Variants in FGF12 observed in about 807,000 individuals in gnomAD.
FGF12 encodes fibroblast growth factor 12, also known as fibroblast growth factor 12B.
Under a neutral mutation model 23.6 loss-of-function variants are expected in FGF12, and 14 were observed. The ratio of observed to expected loss-of-function variants is 0.59; its 90% CI spans 0.39 to 0.93. The LOEUF is 0.93. Ranked by LOEUF, FGF12 falls within the 40% of genes least tolerant of loss-of-function variation. FGF12 has a pLI of 0.00. For missense variants in FGF12, 175 were observed against 217.8 expected (o/e 0.80, Z 1.24); for synonymous variants, 62 against 77.3 (o/e 0.80, Z 1.04).
At chr3:192,169,056 A>G (rs1483232902) in intron 5 of FGF12, among the ~76,000 whole-genome samples, 1 of 151,922 alleles carries the variant, frequency 6.6e-6, no homozygotes, top group Non-Finnish European at 1.5e-5. Flanking sequence ...AAGAATGAAA[A>G]TAGGCCAGGC....
rs11716796 is a variant in FGF12 at position 192,170,381 on chromosome 3, G to A, written c.427+77C>T. The A allele has an allele frequency of 0.049, 61,025 of 1,243,802 alleles. 1,839 individuals are homozygous for A. The highest frequency in any genetic ancestry group is 0.064 in the Admixed American group (3,484 of 54,284). 77.0% of individuals were successfully genotyped at this position (1,243,802 alleles called of 1,614,324 possible). A position where few individuals can be genotyped will look rare whatever the true frequency, so the allele number is the denominator to read the frequency against. On this transcript the variant is annotated intron_variant, in intron 5 of 5. Transcript: ENST00000445105. ...TGTTGCATTCCAGGCAAACTCTCTGGACCAAAAGGGCAAGAAGCAGAATTG... is the reference window on the plus strand; with the variant it reads ...TGTTGCATTCCAGGCAAACTCTCTGAACCAAAAGGGCAAGAAGCAGAATTG...
chr3:192,492,800 C>T (rs1313348822), intron 2 of FGF12, among the ~76,000 whole-genome samples: 1 of 152,050 alleles, frequency 6.6e-6, no homozygotes, highest in Non-Finnish European at 1.5e-5. Flanking sequence ...TCACATGTCA[C>T]TAGGTGTGAG....
chr3:192,434,234 G>T (rs1477026855), intron 2 of FGF12, among the ~76,000 whole-genome samples: 1 of 152,190 alleles, frequency 6.6e-6, no homozygotes, highest in Non-Finnish European at 1.5e-5. Flanking sequence ...CTGTGCAAGT[G>T]AGGAAAGTGA....
chr3:192,579,502 G>T (rs1713045491), intron 2 of FGF12, among the ~76,000 whole-genome samples: 1 of 152,312 alleles, frequency 6.6e-6, no homozygotes, highest in Admixed American at 6.5e-5. Context: ...TGGAGGGTAG[G>T]TAAGCTCAGG....
At chr3:192,701,903 C>T (rs1299618315) in intron 2 of FGF12, among the ~76,000 whole-genome samples, 9 of 152,064 alleles carry the variant, frequency 5.9e-5, no homozygotes, top group Non-Finnish European at 1.5e-5. Flanking sequence ...TTAGCAAATT[C>T]CCAGTATATA....
chr3:192,632,485 A>G (rs1577089239), intron 2 of FGF12, among the ~76,000 whole-genome samples: 1 of 152,360 alleles, frequency 6.6e-6, no homozygotes, highest in East Asian at 1.9e-4. Context: ...TAAAATGACA[A>G]CTAAATATTG....
At chr3:192,577,273 T>C (rs906253158) in intron 2 of FGF12, among the ~76,000 whole-genome samples, 1 of 152,176 alleles carries the variant, frequency 6.6e-6, no homozygotes, top group African/African-American at 2.4e-5. Flanking sequence ...ATAAACGATT[T>C]TGTGTTTGTT....
chr3:192,566,082 G>A (rs556747598), intron 2 of FGF12, among the ~76,000 whole-genome samples: 7 of 152,256 alleles, frequency 4.6e-5, no homozygotes, highest in East Asian at 1.9e-4. Flanking sequence ...ACGAAGTTCC[G>A]TCTCAAAAAA....
chr3:192,651,003 GATA>G (rs1716196220), intron 2 of FGF12, among the ~76,000 whole-genome samples: 2 of 152,180 alleles, frequency 1.3e-5, no homozygotes, highest in African/African-American at 2.4e-5. Context: ...TTGCTAAGAA[GATA>G]TTGATTATCT....
At chr3:192,609,085 ATTC>A (rs1476863090) in intron 2 of FGF12, among the ~76,000 whole-genome samples, 1 of 152,052 alleles carries the variant, frequency 6.6e-6, no homozygotes, top group African/African-American at 2.4e-5. Flanking sequence ...CTTCCTCTAG[ATTC>A]TTCTTAATGA....
intron 3 of FGF12, among the ~76,000 whole-genome samples, chr3:192,335,867 T>C (rs905556419): frequency 2.6e-5 from 4 of 152,090 alleles, no homozygotes; most frequent in African/African-American, 9.7e-5. Flanking sequence ...AATAACAAAA[T>C]ACTATCTTTA....
chr3:192,279,450 C>T (rs1436155368), intron 4 of FGF12, among the ~76,000 whole-genome samples: 2 of 152,022 alleles, frequency 1.3e-5, no homozygotes, highest in East Asian at 1.9e-4. Flanking sequence ...ATTCTAATAA[C>T]AACCCTATGA....
intron 2 of FGF12, among the ~76,000 whole-genome samples, chr3:192,421,967 G>A (rs1721543602): frequency 6.6e-6 from 1 of 152,076 alleles, no homozygotes; most frequent in African/African-American, 2.4e-5. Context: ...CTATTAACTG[G>A]GGAGATGGCC....
At chr3:192,721,067 A>T (rs1719024363) in intron 2 of FGF12, among the ~76,000 whole-genome samples, 1 of 152,194 alleles carries the variant, frequency 6.6e-6, no homozygotes, top group Non-Finnish European at 1.5e-5. Context: ...TAAGCACACA[A>T]GAAATCCCTT....
At position 192,439,751 on chromosome 3, in the gene FGF12, T is replaced by C. The variant is rs544514477; in HGVS notation, c.14-79213A>G. On this transcript the variant is annotated intron_variant, in intron 2 of 5. Coordinates refer to ENST00000445105, the MANE Select transcript of FGF12 (RefSeq NM_004113.6). ...CAGCACTTTGGGAGGCCAAGGTGGGTGAATCACAAGGTCAGGAGTTCAAGA... is the reference window on the plus strand; with the variant it reads ...CAGCACTTTGGGAGGCCAAGGTGGGCGAATCACAAGGTCAGGAGTTCAAGA... Among the ~76,000 whole-genome samples, 169 of 151,604 alleles carry C rather than the reference T, an allele frequency of 1.1e-3. 1 individual carries two copies. The highest frequency in any genetic ancestry group is 1.9e-3 in the Admixed American group (29 of 15,224).
intron 4 of FGF12, among the ~76,000 whole-genome samples, chr3:192,180,781 T>A (rs931339413): frequency 6.6e-6 from 1 of 152,024 alleles, no homozygotes. Context: ...CTGGACAAAG[T>A]ATATGAGGTA....
intron 3 of FGF12, among the ~76,000 whole-genome samples, chr3:192,347,262 C>A (rs1160611506): frequency 2.0e-5 from 3 of 152,150 alleles, no homozygotes; most frequent in South Asian, 4.1e-4. Flanking sequence ...GTCAATGAAC[C>A]AAACCTTGCT....
At chr3:192,168,373 T>G (rs1012921565) in intron 5 of FGF12, among the ~76,000 whole-genome samples, 6 of 152,218 alleles carry the variant, frequency 3.9e-5, no homozygotes, top group Admixed American at 6.5e-5. Context: ...GGCACTTTCC[T>G]GCCTTTATTC....
intron 2 of FGF12, among the ~76,000 whole-genome samples, chr3:192,484,507 T>A (rs1159008165): frequency 6.6e-6 from 1 of 152,140 alleles, no homozygotes; most frequent in Admixed American, 6.6e-5. Flanking sequence ...TATTATTCTA[T>A]TATTGACATA....
Sources: allele counts gnomAD v4.1 joint callset (sites outside exome capture counted in the v4.1 genomes callset), GRCh38; gene constraint gnomAD v4.1.1; transcripts MANE v1.5; gene names NCBI Gene and HGNC (gene_info 2026-07-23, HGNC 2026-07-21).